KPNA5: variants seen among roughly 807,000 people sequenced by gnomAD.
KPNA5 encodes the protein importin subunit alpha-6.
In KPNA5, 46 loss-of-function variants were observed where a neutral mutation model predicts 71.3. The ratio of observed to expected loss-of-function variants is 0.65; its 90% CI spans 0.51 to 0.83. The LOEUF is 0.83. Ranked by LOEUF, KPNA5 falls within the 40% of genes least tolerant of loss-of-function variation. The pLI is 0.00. For missense variants in KPNA5, 547 were observed against 628.3 expected, an observed-to-expected ratio of 0.87 and a Z score of 1.38; for synonymous variants, 207 against 201.4, an observed-to-expected ratio of 1.03 and a Z score of -0.24.
intron 1 of KPNA5, among the ~76,000 whole-genome samples, chr6:116,684,927 C>G (rs1203350253): frequency 6.6e-6 from 1 of 152,182 alleles, no homozygotes; most frequent in Non-Finnish European, 1.5e-5. Flanking sequence ...TCATACATTA[C>G]TGATGGGAAT....
intron 4 of KPNA5, among the ~76,000 whole-genome samples, chr6:116,693,754 G>A (rs1408476625): frequency 6.6e-6 from 1 of 151,776 alleles, no homozygotes; most frequent in Non-Finnish European, 1.5e-5. Context: ...GATCCCATTT[G>A]TCAATTTTGG....
intron 8 of KPNA5, among the ~76,000 whole-genome samples, chr6:116,718,562 C>CA (rs2114474935): frequency 6.7e-6 from 1 of 149,376 alleles, no homozygotes; most frequent in East Asian, 2.0e-4. Context: ...CATGCCTGGC[C>CA]CTTATTTATG....
intron 8 of KPNA5, 108 bp downstream of exon 8, chr6:116,716,426 TC>T: frequency 2.7e-6 from 2 of 749,244 alleles, no homozygotes; most frequent in Non-Finnish European, 4.5e-6. Flanking sequence ...GTAATTATTT[TC>T]TTTATTGACC....
intron 1 of KPNA5, among the ~76,000 whole-genome samples, chr6:116,685,422 T>C (rs768157549): frequency 6.6e-6 from 1 of 152,150 alleles, no homozygotes; most frequent in Non-Finnish European, 1.5e-5. Flanking sequence ...TTTTTCTGCA[T>C]CTCTCCCTCC....
chr6:116,707,116 A>G (rs1778471837), intron 7 of KPNA5, among the ~76,000 whole-genome samples: 1 of 152,080 alleles, frequency 6.6e-6, no homozygotes, highest in Non-Finnish European at 1.5e-5. Flanking sequence ...GTGAGCCAAG[A>G]TCACGCCACT....
chr6:116,700,488 A>C (rs1277541061), intron 5 of KPNA5, among the ~76,000 whole-genome samples: 1 of 151,794 alleles, frequency 6.6e-6, no homozygotes, highest in Non-Finnish European at 1.5e-5. Flanking sequence ...AAACAAACAC[A>C]CACACACTGA....
chr6:116,699,619 A>C (rs1778156753), intron 5 of KPNA5, among the ~76,000 whole-genome samples: 1 of 152,182 alleles, frequency 6.6e-6, no homozygotes, highest in Non-Finnish European at 1.5e-5. Context: ...TGAATGTGAA[A>C]AATTGTTGAG....
rs1779858292 is a variant in KPNA5 at position 116,741,106 on chromosome 6, CTGATA to C, written c.*8786_*8790del. The C allele has an allele frequency of 1.3e-5, 2 of 152,170 alleles. No homozygotes were observed. The highest frequency in any genetic ancestry group is 2.1e-4 in the South Asian group (1 of 4,818). The allele number at this position is 152,170 out of a possible 1,614,324, so 9.4% of individuals were successfully genotyped here. A position where few individuals can be genotyped will look rare whatever the true frequency, so the allele number is the denominator to read the frequency against. ...AATTCGTTGATACTTGCTTTATGAT[CTGATA>C]TGTGTTGGTTTTAGTGAAATGGCCC... is the stretch of plus-strand genomic sequence containing the variant. On this transcript the variant is annotated 3_prime_UTR_variant, in exon 14 of 14. Coordinates refer to ENST00000368564, the MANE Select transcript of KPNA5 (RefSeq NM_001366306.2).
chr6:116,718,623 CTT>C (rs1562449701), intron 8 of KPNA5, among the ~76,000 whole-genome samples: 1 of 151,758 alleles, frequency 6.6e-6, no homozygotes, highest in South Asian at 2.1e-4. Context: ...CTGAGGGAAA[CTT>C]TGTCTGTTGT....
intron 4 of KPNA5, among the ~76,000 whole-genome samples, chr6:116,694,712 A>G (rs1177492922): frequency 2.0e-5 from 3 of 152,158 alleles, no homozygotes; most frequent in Non-Finnish European, 4.4e-5. Flanking sequence ...GAGTGTGAGC[A>G]TAAAATAATG....
At chr6:116,684,886 A>G (rs1370592042) in intron 1 of KPNA5, among the ~76,000 whole-genome samples, 2 of 152,216 alleles carry the variant, frequency 1.3e-5, no homozygotes, top group African/African-American at 4.8e-5. Context: ...AAATCATCAA[A>G]TGGAGACAGG....
intron 7 of KPNA5, among the ~76,000 whole-genome samples, chr6:116,712,089 G>A (rs901995631): frequency 2.0e-5 from 3 of 152,186 alleles, no homozygotes; most frequent in South Asian, 2.1e-4. Context: ...CCACAGACAC[G>A]TGCCACCATG....
At chr6:116,730,430 G>A (rs1459283211) in intron 13 of KPNA5, among the ~76,000 whole-genome samples, 3 of 152,062 alleles carry the variant, frequency 2.0e-5, no homozygotes, top group Non-Finnish European at 1.5e-5. Flanking sequence ...TTGAATGGAA[G>A]TTTAACCATA....
intron 2 of KPNA5, among the ~76,000 whole-genome samples, chr6:116,690,980 G>C (rs1288830503): frequency 6.6e-6 from 1 of 152,182 alleles, no homozygotes; most frequent in Non-Finnish European, 1.5e-5. Context: ...TATAATCCCA[G>C]CACTTTGGGA....
chr6:116,692,831 C>T (rs1298207432), intron 4 of KPNA5, among the ~76,000 whole-genome samples: 1 of 152,072 alleles, frequency 6.6e-6, no homozygotes, highest in East Asian at 1.9e-4. Flanking sequence ...GTGTGCTGCA[C>T]CCATTAACTC....
At position 116,681,220 on chromosome 6, in the gene KPNA5, T is replaced by G; in HGVS notation, c.-115T>G. On this transcript the variant is annotated 5_prime_UTR_variant, in exon 1 of 14. It adds an upstream start codon to the 5' untranslated region. Coordinates refer to ENST00000368564, the MANE Select transcript of KPNA5 (RefSeq NM_001366306.2). ...GGCGCAGGTGGCCGCCATCTTGGAT[T>G]GCGAACTGGGTCGCTACGCTTCACG... 6.9e-7 allele frequency: 1 copy of G among 1,443,446 alleles called. No individual in the cohort carries two copies. The highest frequency in any genetic ancestry group is 1.2e-5 in the South Asian group (1 of 85,496). The allele number at this position is 1,443,446 out of a possible 1,614,324, so 89.4% of individuals were successfully genotyped here. A position where few individuals can be genotyped will look rare whatever the true frequency, so the allele number is the denominator to read the frequency against.
At position 116,681,223 on chromosome 6, in the gene KPNA5, G is replaced by T. The variant is rs1777337788; in HGVS notation, c.-112G>T. On this transcript the variant is annotated 5_prime_UTR_variant, in exon 1 of 14. Coordinates refer to ENST00000368564, the MANE Select transcript of KPNA5 (RefSeq NM_001366306.2). ...GCAGGTGGCCGCCATCTTGGATTGCGAACTGGGTCGCTACGCTTCACGCCA... is the reference window on the plus strand; with the variant it reads ...GCAGGTGGCCGCCATCTTGGATTGCTAACTGGGTCGCTACGCTTCACGCCA... 10 of 1,471,754 alleles carry T rather than the reference G, an allele frequency of 6.8e-6. No homozygotes were observed. Among genetic ancestry groups the T allele is most frequent in the Non-Finnish European group, 9.4e-6 (10 of 1,063,890 alleles). The allele number at this position is 1,471,754 out of a possible 1,614,324, so 91.2% of individuals were successfully genotyped here.
chr6:116,690,409 C>T (rs953875783), intron 2 of KPNA5, among the ~76,000 whole-genome samples: 7 of 152,120 alleles, frequency 4.6e-5, no homozygotes, highest in Non-Finnish European at 1.0e-4. Flanking sequence ...AATCCCAGCA[C>T]TTTGGGAGGC....
chr6:116,726,442 G>A (rs1047631877), intron 11 of KPNA5, 53 bp from the exon 12 acceptor site: 1 of 1,420,586 alleles, frequency 7.0e-7, no homozygotes, highest in Non-Finnish European at 9.4e-7. Flanking sequence ...TTTTTTACTG[G>A]TAATATTTTA....
Sources: allele counts gnomAD v4.1 joint callset (sites outside exome capture counted in the v4.1 genomes callset), GRCh38; gene constraint gnomAD v4.1.1; transcripts MANE v1.5; gene names NCBI Gene and HGNC (gene_info 2026-07-23, HGNC 2026-07-21).